Variants in MYO6 observed in about 807,000 individuals in gnomAD.
MYO6 encodes myosin VI, also known as unconventional myosin-VI.
A neutral mutation model predicts 178.7 loss-of-function variants in MYO6; 74 were observed. The ratio of observed to expected loss-of-function variants is 0.41; its 90% CI spans 0.34 to 0.50. MYO6 has a LOEUF of 0.50. Among genes scored for constraint, MYO6 ranks in the 20% least tolerant of loss-of-function variants. The pLI is 0.09. For synonymous variants in MYO6, 477 were observed against 504.6 expected (o/e 0.95, Z 0.73); for missense variants, 1,330 against 1,547.4 (o/e 0.86, Z 2.36).
intron 20 of MYO6, among the ~76,000 whole-genome samples, chr6:75,875,822 T>C (rs1303647459): frequency 2.0e-5 from 3 of 152,192 alleles, no homozygotes; most frequent in Non-Finnish European, 4.4e-5. Flanking sequence ...CTCCTATCTC[T>C]TCAGTCTGTT....
rs1779940297 is a variant in MYO6, at chr6:75,902,965, G to C, written c.3176+4554G>C. On this transcript the variant is annotated intron_variant, in intron 30 of 34. Coordinates refer to ENST00000369977, the MANE Select transcript of MYO6 (RefSeq NM_004999.4). ...GGTTTCAAAGAACATCTTTATTTCT[G>C]CCTTCATTTTGTTATGTACCCAGTA... Among the ~76,000 whole-genome samples the C allele has an allele frequency of 5.3e-5, 8 of 151,416 alleles. No homozygotes were observed. The South Asian group carries it at 1.7e-3, about 32-fold the overall frequency.
chr6:75,797,056 T>A (rs561922827), intron 1 of MYO6, among the ~76,000 whole-genome samples: 3 of 152,106 alleles, frequency 2.0e-5, no homozygotes, highest in Non-Finnish European at 4.4e-5. Flanking sequence ...AGGGCATGTG[T>A]CTTTTCTTTT....
rs748794537 is a variant in MYO6 at position 75,855,126 on chromosome 6, A to G, written c.1079-13A>G. On this transcript the variant is annotated splice_polypyrimidine_tract_variant and intron_variant, in intron 11 of 34. Transcript: ENST00000369977. The stretch of plus-strand genomic sequence containing the variant: ...AATACTTATTAATTTCAATGAAAAT[A>G]TATTTCTATTAGGTGGTTGTAATCT... The G allele has an allele frequency of 3.2e-6, 5 of 1,580,176 alleles. No individual in the cohort carries two copies. The East Asian group carries it at 9.1e-5, about 29-fold the overall frequency.
intron 1 of MYO6, among the ~76,000 whole-genome samples, chr6:75,816,523 A>G (rs1446885046): frequency 1.3e-5 from 2 of 152,266 alleles, no homozygotes; most frequent in African/African-American, 2.4e-5. Context: ...GGAGTGTTTC[A>G]TAAATGGCTA....
In MYO6 at chr6:75,918,107, T is replaced by G. The variant is rs1400525120; in HGVS notation, c.*3095T>G. ...AACAAAAAGAACCAAAACAAACACT[T>G]TTTAGTGGCACCTGTGGATTTACAA... On this transcript the variant is annotated 3_prime_UTR_variant, in exon 35 of 35. Coordinates refer to ENST00000369977, the MANE Select transcript of MYO6 (RefSeq NM_004999.4). 1 of 152,220 alleles carries G rather than the reference T, an allele frequency of 6.6e-6. No homozygotes were observed. Among genetic ancestry groups the G allele is most frequent in the Admixed American group, 6.5e-5 (1 of 15,282 alleles). The allele number at this position is 152,220 out of a possible 1,614,324, so 9.4% of individuals were successfully genotyped here.
chr6:75,852,170 T>C (rs1032644874), intron 11 of MYO6, among the ~76,000 whole-genome samples: 5 of 152,048 alleles, frequency 3.3e-5, no homozygotes, highest in Non-Finnish European at 7.4e-5. Context: ...CTTTGCGATA[T>C]AGTAAAAAAG....
chr6:75,833,000 C>G, intron 6 of MYO6, 53 bp downstream of exon 6: 1 of 1,274,664 alleles, frequency 7.8e-7, no homozygotes, highest in Non-Finnish European at 1.1e-6. Flanking sequence ...TTTTTTTCCC[C>G]CCTTGAGATA....
At chr6:75,911,646 C>G (rs780991240) in intron 32 of MYO6, 26 bp from the exon 33 acceptor site, 2 of 1,601,574 alleles carry the variant, frequency 1.2e-6, no homozygotes, top group Non-Finnish European at 8.6e-7. Context: ...TTTATCTTTT[C>G]TTCAACATAA....
At chr6:75,781,834 C>T (rs1425035391) in intron 1 of MYO6, among the ~76,000 whole-genome samples, 2 of 145,638 alleles carry the variant, frequency 1.4e-5, no homozygotes, top group Non-Finnish European at 1.5e-5. Flanking sequence ...AGGAGAATCA[C>T]TTGAACCTGG....
chr6:75,875,226 G>C (rs1285247537), intron 20 of MYO6, among the ~76,000 whole-genome samples: 1 of 152,196 alleles, frequency 6.6e-6, no homozygotes, highest in Non-Finnish European at 1.5e-5. Flanking sequence ...TACTTGAAAT[G>C]TGGCTAAGAA....
intron 1 of MYO6, among the ~76,000 whole-genome samples, chr6:75,750,306 A>G (rs932468695): frequency 6.6e-6 from 1 of 152,066 alleles, no homozygotes; most frequent in African/African-American, 2.4e-5. Flanking sequence ...CATCTTGGCC[A>G]GGCAGGTCTT....
chr6:75,886,919 A>G lies in MYO6; in HGVS notation c.2583A>G (p.Lys861=). The stretch of plus-strand genomic sequence containing the variant: ...TTAATGAGGTAGTCAGTGTGTTGAA[A>G]GATGGAAAACCCGAGATGAATAAAC... ...DKFNEVVSVL[K]DGKPEMNKQI... Residue 861 remains lysine, a synonymous_variant, in exon 25 of 35, where the codon AAA becomes AAG. Coordinates refer to ENST00000369977, the MANE Select transcript of MYO6 (RefSeq NM_004999.4). 5 of 1,613,888 alleles carry G rather than the reference A, an allele frequency of 3.1e-6. No individual in the cohort carries two copies. Among genetic ancestry groups the G allele is most frequent in the Non-Finnish European group, 3.4e-6 (4 of 1,179,878 alleles).
chr6:75,828,733 A>T, intron 4 of MYO6, 120 bp downstream of exon 4: 2 of 748,232 alleles, frequency 2.7e-6, no homozygotes, highest in Non-Finnish European at 4.8e-6. Context: ...AGCCTCTTGA[A>T]TAGAGTGTGA....
At chr6:75,833,423 C>G (rs1329555061) in intron 6 of MYO6, among the ~76,000 whole-genome samples, 1 of 152,208 alleles carries the variant, frequency 6.6e-6, no homozygotes, top group African/African-American at 2.4e-5. Context: ...CCAGAACTTT[C>G]ATCTTGGAAA....
chr6:75,869,308 A>C (rs981347583), intron 18 of MYO6, among the ~76,000 whole-genome samples: 1 of 152,082 alleles, frequency 6.6e-6, no homozygotes, highest in East Asian at 1.9e-4. Flanking sequence ...GCTTCTCAGT[A>C]TATGTGATGT....
chr6:75,868,955 T>G (rs1776919912), intron 18 of MYO6, among the ~76,000 whole-genome samples: 1 of 152,098 alleles, frequency 6.6e-6, no homozygotes, highest in Non-Finnish European at 1.5e-5. Context: ...TGCCTGAGGC[T>G]TTTTACTCTT....
chr6:75,784,904 T>G (rs1163163751), intron 1 of MYO6, among the ~76,000 whole-genome samples: 2 of 152,096 alleles, frequency 1.3e-5, no homozygotes, highest in Non-Finnish European at 2.9e-5. Flanking sequence ...TGTGGTTTAA[T>G]TTGTTAATCC....
At chr6:75,826,532 G>A (rs764186994) in intron 3 of MYO6, among the ~76,000 whole-genome samples, 6 of 152,158 alleles carry the variant, frequency 3.9e-5, no homozygotes, top group African/African-American at 7.2e-5. Flanking sequence ...AGGTATTTCA[G>A]AGGAAAGTGA....
chr6:75,756,872 G>GT (rs1777402943), intron 1 of MYO6, among the ~76,000 whole-genome samples: 1 of 137,874 alleles, frequency 7.3e-6, no homozygotes, highest in Non-Finnish European at 1.6e-5. Context: ...TGTGGAAAGA[G>GT]TACTTATGTG....
Sources: gnomAD v4.1 joint callset for allele counts (sites outside exome capture counted in the v4.1 genomes callset) on GRCh38, gnomAD v4.1.1 for gene constraint, MANE v1.5 for transcripts, NCBI Gene and HGNC (gene_info 2026-07-23, HGNC 2026-07-21) for gene names.